Variants in FILIP1L observed in about 807,000 individuals in gnomAD.
FILIP1L encodes the protein filamin A-interacting protein 1-like.
A neutral mutation model predicts 96.6 loss-of-function variants in FILIP1L; 55 were observed. The ratio of observed to expected loss-of-function variants is 0.57; its 90% CI spans 0.46 to 0.71. FILIP1L has a LOEUF of 0.71. Among genes scored for constraint, FILIP1L ranks in the 30% least tolerant of loss-of-function variants. The pLI is 0.00. For missense variants in FILIP1L, 1,304 were observed against 1,321.2 expected, an observed-to-expected ratio of 0.99 and a Z score of 0.20; for synonymous variants, 467 against 473.9, an observed-to-expected ratio of 0.99 and a Z score of 0.19.
intron 1 of FILIP1L, among the ~76,000 whole-genome samples, chr3:100,019,595 G>T (rs2064769436): frequency 6.6e-6 from 1 of 152,092 alleles, no homozygotes; most frequent in Admixed American, 6.6e-5. Flanking sequence ...GACAGTAGTA[G>T]ATACTTTTTT....
chr3:99,928,937 T>C (rs1340569898), intron 3 of FILIP1L, among the ~76,000 whole-genome samples: 2 of 152,200 alleles, frequency 1.3e-5, no homozygotes, highest in Non-Finnish European at 2.9e-5. Context: ...TCCTTCACTA[T>C]TTGGCAAGAC....
chr3:99,979,177 G>C (rs552812402), intron 1 of FILIP1L, among the ~76,000 whole-genome samples: 1 of 152,126 alleles, frequency 6.6e-6, no homozygotes, highest in Non-Finnish European at 1.5e-5. Context: ...ACCTATATCA[G>C]AATATCACAC....
Position 100,006,562 on chromosome 3 carries a change from G to C in FILIP1L, c.-10-75532C>G, listed in dbSNP as rs148779029. Among the ~76,000 whole-genome samples the C allele has an allele frequency of 4.6e-3, 705 of 151,868 alleles. 2 individuals are homozygous for C. Among genetic ancestry groups the C allele is most frequent in the South Asian group, 7.1e-3 (34 of 4,810 alleles). On this transcript the variant is annotated intron_variant, in intron 1 of 5. Transcript: ENST00000477258. ...CATGAAGGCTATCATTCAAATCCCA[G>C]AAGTTGTAGTTTTACCCTTTTTGTT... is the stretch of plus-strand genomic sequence containing the variant.
At chr3:99,977,791 T>G (rs551272829) in intron 1 of FILIP1L, among the ~76,000 whole-genome samples, 9 of 152,294 alleles carry the variant, frequency 5.9e-5, no homozygotes, top group African/African-American at 1.9e-4. Flanking sequence ...CTAGTTAACT[T>G]ACTTTGTCTG....
rs571311176 is a variant in FILIP1L at position 99,920,744 on chromosome 3, A to G, written c.605+3486T>C. 7.9e-5 allele frequency among the ~76,000 whole-genome samples: 12 copies of G among 152,334 alleles called. No homozygotes were observed. In the South Asian group the frequency reaches 2.1e-3, roughly 26 times the overall value. On this transcript the variant is annotated intron_variant, in intron 4 of 5. Coordinates refer to ENST00000477258, the MANE Select transcript of FILIP1L (RefSeq NM_001387850.1). ...TGGCAAACATTTTGGCCTGAGCTCAATGTGTGACATCAGTCTCCTTTAGGG... is the reference window on the plus strand; with the variant it reads ...TGGCAAACATTTTGGCCTGAGCTCAGTGTGTGACATCAGTCTCCTTTAGGG...
In FILIP1L at chr3:100,062,093, C is replaced by CTTTTTTT. The variant is rs71907944; in HGVS notation, c.-11+51953_-11+51959dup. 1.6e-3 allele frequency among the ~76,000 whole-genome samples: 87 copies of CTTTTTTT among 53,184 alleles called. 22 individuals carry two copies. Among genetic ancestry groups the CTTTTTTT allele is most frequent in the African/African-American group, 5.7e-3 (64 of 11,244 alleles). 34.9% of individuals were successfully genotyped at this position (53,184 alleles called of 152,430 possible). A position where few individuals can be genotyped will look rare whatever the true frequency, so the allele number is the denominator to read the frequency against. ...CCACTTGTGGTTATCCTGTCTTCTT[C>CTTTTTTT]TTTTTTTTTTTTTTTTTTTTTTTTT... is the stretch of plus-strand genomic sequence containing the variant. On this transcript the variant is annotated intron_variant, in intron 1 of 5. Coordinates refer to ENST00000477258, the MANE Select transcript of FILIP1L (RefSeq NM_001387850.1).
At chr3:99,888,111 A>G (rs192811140) in intron 4 of FILIP1L, among the ~76,000 whole-genome samples, 37 of 152,356 alleles carry the variant, frequency 2.4e-4, no homozygotes, top group African/African-American at 8.7e-4. Flanking sequence ...AGCAGCATCT[A>G]TTGAAAAATT....
intron 1 of FILIP1L, among the ~76,000 whole-genome samples, chr3:99,961,221 G>T (rs112481712): frequency 1.1e-4 from 17 of 152,156 alleles, no homozygotes; most frequent in African/African-American, 4.1e-4. Flanking sequence ...ATGCCCGAGG[G>T]GATCCGGACT....
intron 1 of FILIP1L, among the ~76,000 whole-genome samples, chr3:100,097,411 C>G (rs1271961468): frequency 3.9e-5 from 6 of 152,192 alleles, no homozygotes; most frequent in Admixed American, 2.6e-4. Flanking sequence ...ATATCACTGA[C>G]TTGAACATCC....
chr3:100,100,928 G>T (rs1160924760), intron 1 of FILIP1L, among the ~76,000 whole-genome samples: 1 of 152,130 alleles, frequency 6.6e-6, no homozygotes, highest in Non-Finnish European at 1.5e-5. Context: ...CCAAGATTTA[G>T]CTTCCTTGTG....
chr3:100,080,287 T>C (rs1293841337), intron 1 of FILIP1L, among the ~76,000 whole-genome samples: 1 of 151,998 alleles, frequency 6.6e-6, no homozygotes, highest in Non-Finnish European at 1.5e-5. Flanking sequence ...CCGGCCATCA[T>C]TTTTCTTAAA....
chr3:99,885,923 A>G (rs570229195), intron 4 of FILIP1L, among the ~76,000 whole-genome samples: 1 of 152,392 alleles, frequency 6.6e-6, no homozygotes, highest in South Asian at 2.1e-4. Context: ...GTATCTTTTC[A>G]GCGAGTCATG....
At chr3:99,971,117 C>G (rs1479301031) in intron 1 of FILIP1L, among the ~76,000 whole-genome samples, 1 of 152,272 alleles carries the variant, frequency 6.6e-6, no homozygotes, top group South Asian at 2.1e-4. Context: ...GCGGGCGGAT[C>G]ACTAGGTCAG....
At chr3:99,982,862 A>T (rs146904196) in intron 1 of FILIP1L, among the ~76,000 whole-genome samples, 1 of 152,232 alleles carries the variant, frequency 6.6e-6, no homozygotes, top group African/African-American at 2.4e-5. Context: ...TAAAAAATAA[A>T]TAAATTCATA....
chr3:100,045,899 C>T (rs143136591), intron 1 of FILIP1L, among the ~76,000 whole-genome samples: 20 of 151,898 alleles, frequency 1.3e-4, no homozygotes, highest in African/African-American at 4.8e-4. Flanking sequence ...GTCCTTTCTG[C>T]GCAGGGATGA....
intron 1 of FILIP1L, among the ~76,000 whole-genome samples, chr3:100,017,165 A>G (rs1710369205): frequency 6.6e-6 from 1 of 152,262 alleles, no homozygotes; most frequent in African/African-American, 2.4e-5. Context: ...TTTATAAAAT[A>G]TCTGATCAAG....
At chr3:100,036,489 A>G (rs1311254368) in intron 1 of FILIP1L, among the ~76,000 whole-genome samples, 1 of 152,240 alleles carries the variant, frequency 6.6e-6, no homozygotes, top group African/African-American at 2.4e-5. Flanking sequence ...ATTGAATAAA[A>G]TAAGAATTCA....
chr3:99,926,798 C>T (rs1382441783), intron 3 of FILIP1L, among the ~76,000 whole-genome samples: 1 of 152,170 alleles, frequency 6.6e-6, no homozygotes, highest in Non-Finnish European at 1.5e-5. Flanking sequence ...TCCACTCTTG[C>T]TTTCCATTGT....
At chr3:99,918,859 C>T (rs1177789083) in intron 4 of FILIP1L, among the ~76,000 whole-genome samples, 4 of 152,042 alleles carry the variant, frequency 2.6e-5, no homozygotes, top group Non-Finnish European at 5.9e-5. Flanking sequence ...AACTAGATGC[C>T]CATGACAAAG....
Sources: allele counts gnomAD v4.1 joint callset (sites outside exome capture counted in the v4.1 genomes callset), GRCh38; gene constraint gnomAD v4.1.1; transcripts MANE v1.5; gene names NCBI Gene and HGNC (gene_info 2026-07-23, HGNC 2026-07-21).